Variants in TRPM3 observed in about 807,000 individuals in gnomAD.
TRPM3 encodes long transient receptor potential channel 3.
Under a neutral mutation model 181.2 loss-of-function variants are expected in TRPM3, and 77 were observed. The ratio of observed to expected loss-of-function variants is 0.42; its 90% CI spans 0.35 to 0.51. The LOEUF (loss-of-function observed/expected upper bound fraction) is 0.51. TRPM3 is among the 20% of genes least tolerant of loss of function. The pLI is 0.01. For missense variants in TRPM3, 1,759 were observed against 2,196.7 expected, an observed-to-expected ratio of 0.80 and a Z score of 3.98; for synonymous variants, 745 against 796.4, an observed-to-expected ratio of 0.94 and a Z score of 1.09.
chr9:70,839,969 ACTG>A (rs2131937733), intron 5 of TRPM3, among the ~76,000 whole-genome samples: 1 of 152,302 alleles, frequency 6.6e-6, no homozygotes, highest in Non-Finnish European at 1.5e-5. Context: ...AAGAGTTGCG[ACTG>A]TGTAAGAAGC....
chr9:70,989,096 A>G (rs990467712), intron 1 of TRPM3, among the ~76,000 whole-genome samples: 1 of 152,178 alleles, frequency 6.6e-6, no homozygotes, highest in African/African-American at 2.4e-5. Flanking sequence ...GCATTGTCTT[A>G]AGTTTCTAAG....
At chr9:70,543,153 T>C (rs553269982) in intron 25 of TRPM3, among the ~76,000 whole-genome samples, 6 of 152,332 alleles carry the variant, frequency 3.9e-5, no homozygotes, top group South Asian at 2.1e-4. Context: ...CTCTCTGCCA[T>C]TGTTATGAAA....
intron 1 of TRPM3, among the ~76,000 whole-genome samples, chr9:70,888,884 T>C (rs889996905): frequency 2.6e-5 from 4 of 152,184 alleles, no homozygotes; most frequent in Admixed American, 6.5e-5. Context: ...TCTCGATTTC[T>C]CTCAAGTATT....
chr9:71,396,827 A>C (rs1262179609), intron 1 of TRPM3, among the ~76,000 whole-genome samples: 1 of 151,886 alleles, frequency 6.6e-6, no homozygotes, highest in Admixed American at 6.6e-5. Context: ...TTTGCCAGGC[A>C]TGGTGGCACG....
At chr9:70,592,196 C>CTCCTTTTATAAA (rs1160074785) in intron 21 of TRPM3, among the ~76,000 whole-genome samples, 2 of 151,988 alleles carry the variant, frequency 1.3e-5, no homozygotes, top group African/African-American at 4.8e-5. Context: ...CAGTTTCTAC[C>CTCCTTTTATAAA]CAGTATGGCC....
At chr9:71,357,698 C>CT (rs529634045) in intron 1 of TRPM3, among the ~76,000 whole-genome samples, 9 of 150,842 alleles carry the variant, frequency 6.0e-5, no homozygotes, top group Admixed American at 6.0e-4. Flanking sequence ...CTAAGTAGGT[C>CT]TAACTGCATC....
intron 1 of TRPM3, among the ~76,000 whole-genome samples, chr9:71,289,188 G>A (rs945962233): frequency 6.6e-6 from 1 of 151,002 alleles, no homozygotes; most frequent in African/African-American, 2.5e-5. Flanking sequence ...AGAGACAGCA[G>A]AAAACGCTAA....
At chr9:71,441,210 C>G (rs1489337282) in intron 1 of TRPM3, among the ~76,000 whole-genome samples, 1 of 151,274 alleles carries the variant, frequency 6.6e-6, no homozygotes, top group African/African-American at 2.4e-5. Context: ...CAAAATGGAC[C>G]ATTATCAGAA....
intron 12 of TRPM3, among the ~76,000 whole-genome samples, chr9:70,626,626 C>T (rs2064674902): frequency 6.6e-6 from 1 of 152,146 alleles, no homozygotes. Context: ...TTTCCTAGCT[C>T]CTCAGGTGAT....
chr9:71,384,559 A>C (rs1169678569), intron 1 of TRPM3, among the ~76,000 whole-genome samples: 1 of 152,202 alleles, frequency 6.6e-6, no homozygotes, highest in Non-Finnish European at 1.5e-5. Flanking sequence ...TTCTAGCCCG[A>C]AAATTCCGTT....
At chr9:70,797,301 G>A (rs184877773) in intron 6 of TRPM3, among the ~76,000 whole-genome samples, 27 of 152,210 alleles carry the variant, frequency 1.8e-4, no homozygotes, top group African/African-American at 4.3e-4. Context: ...AATGCCCAGC[G>A]TCTGTGCTCA....
intron 1 of TRPM3, among the ~76,000 whole-genome samples, chr9:71,203,973 A>C (rs2078960642): frequency 6.6e-6 from 1 of 152,128 alleles, no homozygotes; most frequent in Non-Finnish European, 1.5e-5. Flanking sequence ...AGGATTCCCT[A>C]CTTAATAAAT....
intron 1 of TRPM3, among the ~76,000 whole-genome samples, chr9:71,029,253 G>T (rs1210692170): frequency 6.6e-6 from 1 of 152,086 alleles, no homozygotes; most frequent in East Asian, 1.9e-4. Flanking sequence ...TAAACTTAAT[G>T]CTTAAAATAT....
At chr9:71,261,149 CTA>C (rs1463574739) in intron 1 of TRPM3, among the ~76,000 whole-genome samples, 2 of 151,994 alleles carry the variant, frequency 1.3e-5, no homozygotes, top group Admixed American at 6.6e-5. Context: ...TCAATCAAAC[CTA>C]TGTTTGGTCT....
Position 71,263,147 on chromosome 9 carries a change from A to G in TRPM3, c.183+183506T>C, listed in dbSNP as rs140297137. On this transcript the variant is annotated intron_variant, in intron 1 of 24. Transcript: ENST00000357533. ...TTTTTAAGTTTTTTGTCTTTTACTTAAAACTATTACAATCCTGATTTTTAT... is the reference window on the plus strand; with the variant it reads ...TTTTTAAGTTTTTTGTCTTTTACTTGAAACTATTACAATCCTGATTTTTAT... Among the ~76,000 whole-genome samples the G allele has an allele frequency of 4.3e-4, 66 of 152,320 alleles. 1 individual carries two copies. The highest frequency in any genetic ancestry group is 1.4e-3 in the African/African-American group (59 of 41,578).
intron 1 of TRPM3, among the ~76,000 whole-genome samples, chr9:70,905,331 C>T (rs777999214): frequency 6.6e-6 from 1 of 152,144 alleles, no homozygotes; most frequent in African/African-American, 2.4e-5. Context: ...GAAAGCTGTT[C>T]AATTTTGTTT....
At chr9:70,905,287 T>C (rs1474795066) in intron 1 of TRPM3, among the ~76,000 whole-genome samples, 2 of 152,200 alleles carry the variant, frequency 1.3e-5, no homozygotes, top group Non-Finnish European at 2.9e-5. Flanking sequence ...CAAATACACA[T>C]TGACATATTA....
chr9:71,383,278 T>C (rs549513323), intron 1 of TRPM3, among the ~76,000 whole-genome samples: 3 of 152,300 alleles, frequency 2.0e-5, no homozygotes, highest in East Asian at 3.9e-4. Context: ...ATATGTATCA[T>C]TTCTGGTGGT....
intron 25 of TRPM3, among the ~76,000 whole-genome samples, chr9:70,547,087 G>A (rs1247912155): frequency 2.6e-5 from 4 of 152,148 alleles, no homozygotes; most frequent in Non-Finnish European, 5.9e-5. Context: ...GGAGGAGTAT[G>A]AATCTCACTC....
Sources: gnomAD v4.1 joint callset for allele counts (sites outside exome capture counted in the v4.1 genomes callset) on GRCh38, gnomAD v4.1.1 for gene constraint, MANE v1.5 for transcripts, NCBI Gene and HGNC (gene_info 2026-07-23, HGNC 2026-07-21) for gene names.